The following MYO5C variants were observed in gnomAD, a reference collection of about 807,000 sequenced individuals.
The protein encoded by MYO5C is unconventional myosin-Vc.
In MYO5C, 194 loss-of-function variants were observed where a neutral mutation model predicts 235.7. The observed-to-expected ratio is 0.82, with a 90% confidence interval of 0.73 to 0.93. The LOEUF (loss-of-function observed/expected upper bound fraction) is 0.93, where lower values mean the gene tolerates loss of function less well. Among genes scored for constraint, MYO5C ranks in the 40% least tolerant of loss-of-function variants. The probability of loss-of-function intolerance (pLI) is 0.00; values close to 1 mark genes in which losing one functional copy is unlikely to be tolerated. For synonymous variants in MYO5C, 707 were observed against 754.8 expected (o/e 0.94, Z 1.04); for missense variants, 2,038 against 2,127.2 (o/e 0.96, Z 0.82).
intron 1 of MYO5C, among the ~76,000 whole-genome samples, chr15:52,287,775 G>C (rs1453835269): frequency 6.6e-6 from 1 of 152,162 alleles, no homozygotes; most frequent in Non-Finnish European, 1.5e-5. Flanking sequence ...TTGGGAGATT[G>C]AGAATAGCCT....
chr15:52,239,960 CT>C, intron 20 of MYO5C, 81 bp from the exon 21 acceptor site: 1 of 1,412,254 alleles, frequency 7.1e-7, no homozygotes. Context: ...GAAGATGCAA[CT>C]ACCACGGTGT....
At chr15:52,286,611 C>T (rs1483286891) in intron 1 of MYO5C, among the ~76,000 whole-genome samples, 1 of 152,120 alleles carries the variant, frequency 6.6e-6, no homozygotes, top group Non-Finnish European at 1.5e-5. Flanking sequence ...AATTCTTCTT[C>T]CTTGGGATCC....
At chr15:52,220,649 T>C (rs1250165270) in intron 30 of MYO5C, among the ~76,000 whole-genome samples, 1 of 142,466 alleles carries the variant, frequency 7.0e-6, no homozygotes, top group Non-Finnish European at 1.5e-5. Flanking sequence ...CGAAACCCCA[T>C]CTCTACTAAA....
At chr15:52,225,165 T>C (rs1372406923) in intron 26 of MYO5C, 27 bp from the exon 27 acceptor site, 3 of 1,611,528 alleles carry the variant, frequency 1.9e-6, no homozygotes, top group African/African-American at 2.7e-5. Flanking sequence ...GAGTTGTATA[T>C]ATTACATTTG....
rs74719778 is a variant in MYO5C, at chr15:52,218,914, A to G, written c.3786-227T>C. Among the ~76,000 whole-genome samples the G allele has an allele frequency of 4.8e-3, 738 of 152,314 alleles. 14 individuals are homozygous for G. Among genetic ancestry groups the G allele is most frequent in the Admixed American group, 0.025 (390 of 15,308 alleles). On this transcript the variant is annotated intron_variant, in intron 31 of 40. Transcript: ENST00000261839. ...GGACTGCTCTGGTCTCCTTCCCCCA[A>G]TAAGAGTTCCATTCTCCACCCAACC...
intron 10 of MYO5C, 142 bp downstream of exon 10, chr15:52,260,720 T>A: frequency 1.1e-6 from 1 of 881,344 alleles, no homozygotes; most frequent in Non-Finnish European, 1.7e-6. Flanking sequence ...GAGAGTGTAC[T>A]TAGCATCTAT....
chr15:52,284,361 T>C (rs1338854670), intron 1 of MYO5C, among the ~76,000 whole-genome samples: 1 of 150,890 alleles, frequency 6.6e-6, no homozygotes, highest in Non-Finnish European at 1.5e-5. Flanking sequence ...CCTATGTGAG[T>C]CCCTTCAAAT....
At chr15:52,294,635 C>A (rs1418887609) in intron 1 of MYO5C, among the ~76,000 whole-genome samples, 1 of 152,156 alleles carries the variant, frequency 6.6e-6, no homozygotes, top group Non-Finnish European at 1.5e-5. Flanking sequence ...ATACTGAGGT[C>A]TCTAGATTTC....
At chr15:52,286,420 A>C (rs1213347565) in intron 1 of MYO5C, among the ~76,000 whole-genome samples, 16 of 151,314 alleles carry the variant, frequency 1.1e-4, no homozygotes, top group South Asian at 8.4e-4. Flanking sequence ...CTGCCCGGCC[A>C]CCACCCCGTC....
intron 9 of MYO5C, among the ~76,000 whole-genome samples, chr15:52,263,986 T>C (rs991484662): frequency 2.0e-5 from 3 of 152,166 alleles, no homozygotes; most frequent in African/African-American, 7.2e-5. Flanking sequence ...AGGAGATCCA[T>C]TTCCCCTCCT....
At chr15:52,218,755 G>T in intron 31 of MYO5C, 68 bp from the exon 32 acceptor site, 1 of 1,511,602 alleles carries the variant, frequency 6.6e-7, no homozygotes, top group Non-Finnish European at 9.1e-7. Flanking sequence ...CACTGTCATA[G>T]CAAGTGCTGA....
At chr15:52,217,049 C>T (rs926523408) in intron 32 of MYO5C, among the ~76,000 whole-genome samples, 1 of 152,180 alleles carries the variant, frequency 6.6e-6, no homozygotes, top group African/African-American at 2.4e-5. Context: ...ATTGAGAGAA[C>T]ACATTTCTGT....
At chr15:52,268,291 G>A (rs755849668) in intron 8 of MYO5C, among the ~76,000 whole-genome samples, 9 of 152,222 alleles carry the variant, frequency 5.9e-5, no homozygotes, top group Non-Finnish European at 1.0e-4. Flanking sequence ...CTGGCCGGGC[G>A]CGGTGGCTCA....
chr15:52,198,931 T>C (rs1038490073), intron 38 of MYO5C, among the ~76,000 whole-genome samples: 2 of 151,914 alleles, frequency 1.3e-5, no homozygotes, highest in Non-Finnish European at 2.9e-5. Context: ...TCTCGCTCTG[T>C]TGCCCAGGCT....
chr15:52,212,654 T>C (rs554607427), intron 34 of MYO5C, among the ~76,000 whole-genome samples: 1 of 152,216 alleles, frequency 6.6e-6, no homozygotes, highest in Non-Finnish European at 1.5e-5. Flanking sequence ...TGCAGTAAGA[T>C]TGGTTCTATG....
intron 6 of MYO5C, among the ~76,000 whole-genome samples, 191 bp downstream of exon 6, chr15:52,272,389 C>T (rs2036943032): frequency 6.6e-6 from 1 of 152,206 alleles, no homozygotes; most frequent in African/African-American, 2.4e-5. Context: ...AGACATACAA[C>T]TCACCTGATA....
intron 12 of MYO5C, among the ~76,000 whole-genome samples, chr15:52,252,592 G>T (rs2036495669): frequency 6.6e-6 from 1 of 151,984 alleles, no homozygotes; most frequent in African/African-American, 2.4e-5. Context: ...TGGCTAACAT[G>T]GTGAAACCCC....
chr15:52,248,606 A>ACACACT lies in MYO5C; in HGVS notation c.1746+93_1746+94insAGTGTG. ...AGAGTTCACACACACACACACACAC[A>ACACACT]CTCTCTCTCTCTCTCTCCTTACTCT... On this transcript the variant is annotated intron_variant, in intron 14 of 40. Coordinates refer to ENST00000261839, the MANE Select transcript of MYO5C (RefSeq NM_018728.4). 6.3e-6 allele frequency: 4 copies of ACACACT among 635,286 alleles called. No homozygotes were observed. In the South Asian group the frequency reaches 8.6e-5, roughly 14 times the overall value. The allele number at this position is 635,286 out of a possible 1,614,324, so 39.4% of individuals were successfully genotyped here. A position where few individuals can be genotyped will look rare whatever the true frequency, so the allele number is the denominator to read the frequency against.
intron 20 of MYO5C, among the ~76,000 whole-genome samples, chr15:52,241,385 G>A (rs1026780214): frequency 4.0e-5 from 6 of 148,594 alleles, no homozygotes; most frequent in Middle Eastern, 3.5e-3. Context: ...TCAGCCTCCC[G>A]AGCAGCTGGG....
Sources: gnomAD v4.1 joint callset for allele counts (sites outside exome capture counted in the v4.1 genomes callset) on GRCh38, gnomAD v4.1.1 for gene constraint, MANE v1.5 for transcripts, NCBI Gene and HGNC (gene_info 2026-07-23, HGNC 2026-07-21) for gene names.